SLC27A6: variants seen among roughly 807,000 people sequenced by gnomAD.
SLC27A6 encodes long-chain fatty acid transport protein 6.
Under a neutral mutation model 63.9 loss-of-function variants are expected in SLC27A6, and 74 were observed. The observed-to-expected ratio is 1.16, with a 90% CI of 0.96 to 1.40. SLC27A6 has a LOEUF of 1.40. Ranked by LOEUF, SLC27A6 falls within the 40% of genes most tolerant of loss-of-function variation. SLC27A6 has a pLI of 0.00. For missense variants in SLC27A6, 794 were observed against 732.9 expected, an observed-to-expected ratio of 1.08 and a Z score of -0.96; for synonymous variants, 287 against 260.8, an observed-to-expected ratio of 1.10 and a Z score of -0.97.
chr5:128,971,626 G>T (rs1750167710), intron 1 of SLC27A6, among the ~76,000 whole-genome samples: 2 of 151,186 alleles, frequency 1.3e-5, no homozygotes, highest in Non-Finnish European at 1.5e-5. Context: ...CGGTCTTCCT[G>T]CATCCCTTTA....
intron 8 of SLC27A6, among the ~76,000 whole-genome samples, chr5:129,029,367 G>A (rs1378042797): frequency 2.0e-5 from 3 of 151,974 alleles, no homozygotes; most frequent in Admixed American, 6.6e-5. Context: ...TAGGCAATTA[G>A]AGATAGACTC....
At chr5:129,031,488 C>A (rs940688328) in intron 9 of SLC27A6, among the ~76,000 whole-genome samples, 5 of 151,844 alleles carry the variant, frequency 3.3e-5, no homozygotes, top group African/African-American at 9.7e-5. Flanking sequence ...ATTGTTATAA[C>A]CTCTCTAGAA....
intron 3 of SLC27A6, among the ~76,000 whole-genome samples, chr5:128,989,071 C>T (rs949125628): frequency 1.3e-5 from 2 of 152,058 alleles, no homozygotes; most frequent in Non-Finnish European, 1.5e-5. Context: ...TAGAAATGTT[C>T]CAAGGGAGTG....
At position 128,966,491 on chromosome 5, in the gene SLC27A6, C is replaced by T. The variant is rs1372634243; in HGVS notation, c.354C>T (p.Phe118=). 4.4e-6 allele frequency: 7 copies of T among 1,609,170 alleles called. No homozygotes were observed. Among genetic ancestry groups the T allele is most frequent in the African/African-American group, 2.7e-5 (2 of 74,870 alleles). Residue 118 remains phenylalanine, a synonymous_variant, in exon 1 of 10, where the codon TTC becomes TTT. Coordinates refer to ENST00000262462, the MANE Select transcript of SLC27A6 (RefSeq NM_001017372.3). Reference sequence around the variant, plus strand: ...TGCTGATGAGCAATGAGCCGGACTTCGTTCACGTGTGGTTCGGCCTCGCCA... The same window carrying T: ...TGCTGATGAGCAATGAGCCGGACTTTGTTCACGTGTGGTTCGGCCTCGCCA... The part of the protein sequence containing the change: ...VALLMSNEPD[F]VHVWFGLAKL...
chr5:129,027,991 G>C (rs980021744), intron 7 of SLC27A6, among the ~76,000 whole-genome samples: 1 of 151,936 alleles, frequency 6.6e-6, no homozygotes, highest in Non-Finnish European at 1.5e-5. Context: ...CTAGAGCTTT[G>C]CTTTCAATTC....
rs77456988 is a variant in SLC27A6 at position 128,985,082 on chromosome 5, T to C, written c.482-51T>C. ...TACACAAAAGCAACTCCAAAGTGAA[T>C]TGTTTGAGATTTAAGGTTTGCTTAA... On this transcript the variant is annotated intron_variant, in intron 1 of 9. Transcript: ENST00000262462. 570 of 1,325,100 alleles carry C rather than the reference T, an allele frequency of 4.3e-4. 1 individual carries two copies. The African/African-American group carries it at 7.3e-3, about 17-fold the overall frequency. The allele number at this position is 1,325,100 out of a possible 1,614,324, so 82.1% of individuals were successfully genotyped here. A position where few individuals can be genotyped will look rare whatever the true frequency, so the allele number is the denominator to read the frequency against.
chr5:129,028,295 A>G (rs1752309601), intron 7 of SLC27A6, 50 bp from the exon 8 acceptor site: 2 of 1,213,606 alleles, frequency 1.6e-6, no homozygotes, highest in African/African-American at 1.5e-5. Flanking sequence ...CTGGGTACCT[A>G]GTTTTTCAAA....
At chr5:129,028,117 G>A (rs1308048796) in intron 7 of SLC27A6, among the ~76,000 whole-genome samples, 2 of 151,992 alleles carry the variant, frequency 1.3e-5, no homozygotes, top group African/African-American at 4.8e-5. Flanking sequence ...AACATAGAAG[G>A]TAATTTATAC....
In SLC27A6 at chr5:128,990,456, C is replaced by A. The variant is rs1427524819; in HGVS notation, c.961C>A (p.Gln321Lys). ...AGAACTTTGTCGCTACCTTTGCAAACAATCTAAGGTAGGCGTAATCATTAT... is the reference window on the plus strand; with the variant it reads ...AGAACTTTGTCGCTACCTTTGCAAAAAATCTAAGGTAGGCGTAATCATTAT... ...IGELCRYLCK[Q>K]SKREGEKDHK... Residue 321 changes from glutamine (Q) to lysine (K), a missense_variant, in exon 4 of 10, where the codon CAA becomes AAA. Physicochemically the swap from Gln to Lys is moderately conservative, Grantham distance 53. Transcript: ENST00000262462. 2 of 1,611,578 alleles carry A rather than the reference C, an allele frequency of 1.2e-6. No individual in the cohort carries two copies. The highest frequency in any genetic ancestry group is 1.7e-6 in the Non-Finnish European group (2 of 1,179,220).
intron 5 of SLC27A6, among the ~76,000 whole-genome samples, chr5:129,021,168 G>A (rs1379716410): frequency 6.7e-6 from 1 of 148,686 alleles, no homozygotes; most frequent in African/African-American, 2.5e-5. Flanking sequence ...CTAAATCATA[G>A]TGTTACCATC....
chr5:129,011,251 C>A (rs1418565421), intron 4 of SLC27A6, among the ~76,000 whole-genome samples: 1 of 152,156 alleles, frequency 6.6e-6, no homozygotes, highest in Non-Finnish European at 1.5e-5. Context: ...ATAGGCACTC[C>A]TGCCCATGGT....
chr5:128,975,141 A>G (rs1175592646), intron 1 of SLC27A6, among the ~76,000 whole-genome samples: 1 of 152,226 alleles, frequency 6.6e-6, no homozygotes, highest in Non-Finnish European at 1.5e-5. Context: ...ACCTGAGGTC[A>G]GGAGTTTGAG....
At chr5:128,970,188 G>A (rs1275547670) in intron 1 of SLC27A6, among the ~76,000 whole-genome samples, 11 of 147,994 alleles carry the variant, frequency 7.4e-5, no homozygotes, top group Non-Finnish European at 1.7e-4. Flanking sequence ...GAGGATTTTT[G>A]CATCAGTGTT....
chr5:129,007,910 G>A (rs906741497), intron 4 of SLC27A6, among the ~76,000 whole-genome samples: 6 of 151,944 alleles, frequency 3.9e-5, no homozygotes, highest in Admixed American at 2.0e-4. Flanking sequence ...ATAATCAAAA[G>A]CATGGAACAT....
At chr5:129,011,915 C>G (rs890252624) in intron 4 of SLC27A6, among the ~76,000 whole-genome samples, 7 of 152,056 alleles carry the variant, frequency 4.6e-5, no homozygotes, top group Non-Finnish European at 2.9e-5. Context: ...CAAAAACCAT[C>G]TCTAGCTTCC....
At chr5:129,001,531 A>G (rs1432786345) in intron 4 of SLC27A6, among the ~76,000 whole-genome samples, 1 of 152,206 alleles carries the variant, frequency 6.6e-6, no homozygotes, top group Non-Finnish European at 1.5e-5. Flanking sequence ...GAAGTCTTAT[A>G]ATCCCTAACA....
At chr5:129,013,232 C>T (rs889971815) in intron 4 of SLC27A6, among the ~76,000 whole-genome samples, 19 of 152,010 alleles carry the variant, frequency 1.2e-4, no homozygotes, top group African/African-American at 4.6e-4. Context: ...TAACACTTCT[C>T]TTTTCTGGTC....
At chr5:128,972,349 A>C (rs1004798749) in intron 1 of SLC27A6, among the ~76,000 whole-genome samples, 4 of 152,172 alleles carry the variant, frequency 2.6e-5, no homozygotes, top group African/African-American at 4.8e-5. Context: ...TAATATCCTG[A>C]AAAGTGTTTT....
At chr5:128,978,602 C>G (rs191420061) in intron 1 of SLC27A6, among the ~76,000 whole-genome samples, 4 of 152,146 alleles carry the variant, frequency 2.6e-5, no homozygotes, top group Admixed American at 1.3e-4. Flanking sequence ...TGCACATTAT[C>G]TGGCGTGGCC....
Sources: gnomAD v4.1 joint callset for allele counts (sites outside exome capture counted in the v4.1 genomes callset) on GRCh38, gnomAD v4.1.1 for gene constraint, MANE v1.5 for transcripts, NCBI Gene and HGNC (gene_info 2026-07-23, HGNC 2026-07-21) for gene names.